CD101: variants seen among roughly 807,000 people sequenced by gnomAD.
The protein encoded by CD101 is immunoglobulin superfamily member 2.
In CD101, 76 loss-of-function variants were observed where a neutral mutation model predicts 98.2. The observed-to-expected ratio is 0.77, with a 90% CI of 0.64 to 0.94. The LOEUF (loss-of-function observed/expected upper bound fraction) is 0.94, where lower values mean the gene tolerates loss of function less well. Ranked by LOEUF, CD101 falls within the 40% of genes least tolerant of loss-of-function variation. CD101 has a pLI of 0.00. For missense variants in CD101, 1,145 were observed against 1,218.8 expected (o/e 0.94, Z 0.90); for synonymous variants, 471 against 472.7 (o/e 1.00, Z 0.05).
intron 8 of CD101, among the ~76,000 whole-genome samples, chr1:117,028,102 T>TAAATAAATAAATAAATAAATA (rs1553188135): frequency 4.8e-5 from 7 of 145,450 alleles, no homozygotes; most frequent in African/African-American, 1.8e-4. Context: ...AATAAATAAA[T>TAAATAAATAAATAAATAAATA]AAATAAAATA....
In CD101 at chr1:117,009,990, C is replaced by T. The variant is rs1160171174; in HGVS notation, c.184C>T (p.Leu62=). 2.5e-6 allele frequency: 4 copies of T among 1,614,186 alleles called. No homozygotes were observed. The highest frequency in any genetic ancestry group is 3.4e-6 in the Non-Finnish European group (4 of 1,180,028). ...SEQHFQWSVY[L]PTNPTQEVQI... ...GCAGCATTTCCAGTGGTCTGTTTAC[C>T]TGCCGACAAACCCGACCCAGGAAGT... Residue 62 remains leucine, a synonymous_variant, in exon 2 of 10, where the codon CTG becomes TTG. Coordinates refer to ENST00000682167, the MANE Select transcript of CD101 (RefSeq NM_001256106.3).
rs939304179 is a variant in CD101 at position 117,005,624 on chromosome 1, G to T, written c.43+3764G>T. 6.6e-6 allele frequency among the ~76,000 whole-genome samples: 1 copy of T among 152,138 alleles called. No homozygotes were observed. The highest frequency in any genetic ancestry group is 1.5e-5 in the Non-Finnish European group (1 of 68,026). ...TTCCTTATCCCATCCCCTAAAGAGA[G>T]AAATTCCCTAGTAATCTCTCCTTAG... is the stretch of plus-strand genomic sequence containing the variant. On this transcript the variant is annotated intron_variant, in intron 1 of 9. Transcript: ENST00000682167. This position sits in a 1 kb window ranked among gnomAD's most constrained non-coding sequence, Gnocchi z 4.4.
rs1653002623 is a variant in CD101, at chr1:117,013,417, C to A, written c.853C>A (p.Gln285Lys). The A allele has an allele frequency of 1.2e-6, 2 of 1,604,084 alleles. No homozygotes were observed. The highest frequency in any genetic ancestry group is 4.5e-5 in the East Asian group (2 of 44,676). Reference protein sequence around the residue: ...LRIQPAVKDFQVNITADSLFA... With the variant: ...LRIQPAVKDFKVNITADSLFA... ...CTTTTGTTTCCCAGTGAAAGATTTT[C>A]AAGTCAACATTACAGCTGACAGCTT... Residue 285 changes from glutamine (Q) to lysine (K), a missense_variant, in exon 4 of 10, where the codon CAA becomes AAA. Physicochemically the swap from Gln to Lys is moderately conservative, Grantham distance 53. Coordinates refer to ENST00000682167, the MANE Select transcript of CD101 (RefSeq NM_001256106.3).
At chr1:117,031,794 A>G (rs1445025359) in intron 8 of CD101, among the ~76,000 whole-genome samples, 1 of 152,230 alleles carries the variant, frequency 6.6e-6, no homozygotes, top group Non-Finnish European at 1.5e-5. Flanking sequence ...TTAAGAGAGG[A>G]TAAGTAACTT....
Position 117,017,355 on chromosome 1 carries a change from C to T in CD101, c.1494C>T (p.Ile498=), listed in dbSNP as rs1461329373. 1 of 1,614,238 alleles carries T rather than the reference C, an allele frequency of 6.2e-7. No homozygotes were observed. The highest frequency in any genetic ancestry group is 1.1e-5 in the South Asian group (1 of 91,090). ...KMDWATFQLE[I]TFTAITDSGT... ...ACTGGGCCACCTTCCAGCTGGAGAT[C>T]ACCTTCACTGCCATCACAGACAGTG... Residue 498 remains isoleucine (I), a synonymous_variant, in exon 5 of 10, where the codon ATC becomes ATT. Coordinates refer to ENST00000682167, the MANE Select transcript of CD101 (RefSeq NM_001256106.3).
rs753564686 is a variant in CD101, at chr1:117,018,523, C to T, written c.1980C>T (p.Ala660=). ...LYNNRPPRAS[A]ISHPLRIAVT... The stretch of plus-strand genomic sequence containing the variant: ...ACAACCGCCCCCCGAGGGCTTCTGC[C>T]ATCTCTCACCCACTGAGGATAGCCG... The change falls in exon 6 of 10, where the codon GCC becomes GCT. Residue 660 remains alanine (A), a synonymous_variant. Coordinates refer to ENST00000682167, the MANE Select transcript of CD101 (RefSeq NM_001256106.3). This position sits in a 1 kb window ranked among gnomAD's most constrained non-coding sequence, Gnocchi z 4.3. 2.5e-6 allele frequency: 4 copies of T among 1,609,958 alleles called. No individual in the cohort carries two copies. Among genetic ancestry groups the T allele is most frequent in the Middle Eastern group, 3.3e-4 (2 of 6,044 alleles).
At chr1:117,024,704 C>T (rs1289337300) in intron 7 of CD101, among the ~76,000 whole-genome samples, 1 of 152,122 alleles carries the variant, frequency 6.6e-6, no homozygotes, top group Admixed American at 6.5e-5. Flanking sequence ...CCATGGATGG[C>T]CTTCTAACAC....
At position 117,011,841 on chromosome 1, in the gene CD101, T is replaced by G; in HGVS notation, c.716T>G (p.Leu239Arg). ...ACATTCAGGCTGTCCATAGAGAGGC[T>G]CCAGTCCTCAGATCAGGGTCAGCTG... ...PTTFRLSIER[L>R]QSSDQGQLFC... Residue 239 changes from leucine (L) to arginine (R), a missense_variant, in exon 3 of 10, where the codon CTC becomes CGC. By Grantham distance (102) the Leu-to-Arg change is moderately radical. Transcript: ENST00000682167. 6.2e-7 allele frequency: 1 copy of G among 1,614,100 alleles called. No homozygotes were observed. Among genetic ancestry groups the G allele is most frequent in the Non-Finnish European group, 8.5e-7 (1 of 1,180,014 alleles).
In CD101 at chr1:117,022,794, C is replaced by T. The variant is rs548419084; in HGVS notation, c.2428+811C>T. On this transcript the variant is annotated intron_variant, in intron 7 of 9. Coordinates refer to ENST00000682167, the MANE Select transcript of CD101 (RefSeq NM_001256106.3). The surrounding 1 kb of genome is among the most constrained non-coding windows in gnomAD (Gnocchi z 4.8). ...CAGTGGAATACAAAGATAAAGAAGGCACAGCCCTGGCCCTTAAGGAGCTCC... is the reference window on the plus strand; with the variant it reads ...CAGTGGAATACAAAGATAAAGAAGGTACAGCCCTGGCCCTTAAGGAGCTCC... 7.9e-5 allele frequency among the ~76,000 whole-genome samples: 12 copies of T among 152,312 alleles called. No homozygotes were observed. In the South Asian group the frequency reaches 1.0e-3, roughly 13 times the overall value.
chr1:117,012,013 T>G lies in CD101; in HGVS notation c.841+47T>G. On this transcript the variant is annotated intron_variant, in intron 3 of 9. Transcript: ENST00000682167. The surrounding 1 kb of genome is among the most constrained non-coding windows in gnomAD (Gnocchi z 4.0). ...TCATTAATACACTAGTATTAGGTAG[T>G]GGGTATTTATGAGGTATGTTTTAAT... 1.0e-3 allele frequency: 1,465 copies of G among 1,454,994 alleles called. No homozygotes were observed. The highest frequency in any genetic ancestry group is 1.2e-3 in the Non-Finnish European group (1,332 of 1,067,858). 90.1% of individuals were successfully genotyped at this position (1,454,994 alleles called of 1,614,324 possible).
chr1:117,029,213 A>AAAAGAAAGAAAAGAAAG (rs1654218115), intron 8 of CD101, among the ~76,000 whole-genome samples: 17 of 71,816 alleles, frequency 2.4e-4, no homozygotes, highest in South Asian at 5.1e-4. Context: ...GAAAAGAAAG[A>AAAAGAAAGAAAAGAAAG]AAAGAAAGAA....
intron 4 of CD101, among the ~76,000 whole-genome samples, chr1:117,015,868 A>T (rs979250625): frequency 1.1e-4 from 17 of 152,208 alleles, no homozygotes; most frequent in Non-Finnish European, 2.4e-4. Context: ...GTGGTCAAAT[A>T]TGTTGCCCAG....
Position 117,018,538 on chromosome 1 carries a change from G to A in CD101, c.1995G>A (p.Leu665=). Residue 665 remains leucine (L), a synonymous_variant, in exon 6 of 10, where the codon CTG becomes CTA. Transcript: ENST00000682167. The surrounding 1 kb of genome is among the most constrained non-coding windows in gnomAD (Gnocchi z 4.3). Reference sequence around the variant, plus strand: ...GGGCTTCTGCCATCTCTCACCCACTGAGGATAGCCGTCACTTTACCAGGTA... The same window carrying A: ...GGGCTTCTGCCATCTCTCACCCACTAAGGATAGCCGTCACTTTACCAGGTA... ...PPRASAISHP[L]RIAVTLPESK... is the part of the protein sequence containing the mutation. 1 of 1,597,048 alleles carries A rather than the reference G, an allele frequency of 6.3e-7. No homozygotes were observed. The highest frequency in any genetic ancestry group is 8.6e-7 in the Non-Finnish European group (1 of 1,169,068).
At chr1:117,029,554 C>A (rs1186510946) in intron 8 of CD101, among the ~76,000 whole-genome samples, 1 of 152,250 alleles carries the variant, frequency 6.6e-6, no homozygotes, top group Non-Finnish European at 1.5e-5. Flanking sequence ...ACATCTGTCA[C>A]ACTGCTAGAC....
intron 4 of CD101, among the ~76,000 whole-genome samples, chr1:117,015,251 A>G (rs1653133357): frequency 6.6e-6 from 1 of 152,224 alleles, no homozygotes; most frequent in Non-Finnish European, 1.5e-5. Flanking sequence ...GAATATTTTA[A>G]TCACTCATTA....
rs201248748 is a variant in CD101, at chr1:117,013,602, T to A, written c.1038T>A (p.Ser346Arg). The A allele has an allele frequency of 1.9e-6, 3 of 1,614,030 alleles. No homozygotes were observed. The highest frequency in any genetic ancestry group is 1.3e-5 in the African/African-American group (1 of 74,906). Residue 346 changes from serine (S) to arginine (R), a missense_variant, in exon 4 of 10, where the codon AGT becomes AGA. Ser to Arg is a moderately radical substitution (Grantham distance 110, BLOSUM62 -1). Coordinates refer to ENST00000682167, the MANE Select transcript of CD101 (RefSeq NM_001256106.3). The stretch of plus-strand genomic sequence containing the variant: ...AGAATGACTACAAAGAGAGAGCAAG[T>A]CAAGGAGAGCTCCAGGTTTCAAAGT... ...GLKNDYKERA[S>R]QGELQVSKLG...
intron 4 of CD101, among the ~76,000 whole-genome samples, chr1:117,015,862 T>A (rs1209130627): frequency 1.3e-5 from 2 of 152,192 alleles, no homozygotes; most frequent in Non-Finnish European, 2.9e-5. Context: ...AAAACTGTGG[T>A]CAAATATGTT....
chr1:117,031,883 C>G (rs1215936008), intron 8 of CD101, among the ~76,000 whole-genome samples: 1 of 152,188 alleles, frequency 6.6e-6, no homozygotes, highest in Non-Finnish European at 1.5e-5. Context: ...TGCTCATTCA[C>G]TACTCTGCAC....
Position 117,021,435 on chromosome 1 carries a change from C to T in CD101, c.2018-138C>T. On this transcript the variant is annotated intron_variant, in intron 6 of 9. Transcript: ENST00000682167. This position sits in a 1 kb window ranked among gnomAD's most constrained non-coding sequence, Gnocchi z 4.7. Reference sequence around the variant, plus strand: ...TGATGCTGTTCAAAAGCTGTATGAGCAGTGAGTGGGGCTACTGTAGAGGGA... The same window carrying T: ...TGATGCTGTTCAAAAGCTGTATGAGTAGTGAGTGGGGCTACTGTAGAGGGA... 2 of 668,136 alleles carry T rather than the reference C, an allele frequency of 3.0e-6. No individual in the cohort carries two copies. The highest frequency in any genetic ancestry group is 4.9e-6 in the Non-Finnish European group (2 of 406,040). The allele number at this position is 668,136 out of a possible 1,614,324, so 41.4% of individuals were successfully genotyped here.
Sources: allele counts gnomAD v4.1 joint callset (sites outside exome capture counted in the v4.1 genomes callset), GRCh38; gene constraint gnomAD v4.1.1; non-coding constraint Gnocchi (gnomAD v3.1); transcripts MANE v1.5; gene names NCBI Gene and HGNC (gene_info 2026-07-23, HGNC 2026-07-21).